The following ZNF398 variants were observed in gnomAD, a reference collection of about 807,000 sequenced individuals.
ZNF398 encodes zinc finger protein 398, also known as zinc finger DNA binding protein ZER6.
A neutral mutation model predicts 41.9 loss-of-function variants in ZNF398; 18 were observed. That is an observed-to-expected ratio of 0.43 (90% CI 0.30 to 0.64). The LOEUF is 0.64. ZNF398 is among the 30% of genes least tolerant of loss of function. The pLI, the probability that ZNF398 is intolerant of heterozygous loss-of-function variation, is 0.14. For synonymous variants in ZNF398, 260 were observed against 308.8 expected (o/e 0.84, Z 1.66); for missense variants, 669 against 822.8 (o/e 0.81, Z 2.29).
chr7:149,159,782 C>G (rs1201976502), intron 2 of ZNF398, among the ~76,000 whole-genome samples: 1 of 151,578 alleles, frequency 6.6e-6, no homozygotes, highest in Admixed American at 6.6e-5. Context: ...AGATGGAGTG[C>G]AGTGGCACAG....
Position 149,181,535 on chromosome 7 carries a change from C to T in ZNF398, c.*1734C>T, listed in dbSNP as rs1795590505. 1 of 149,536 alleles carries T rather than the reference C, an allele frequency of 6.7e-6. No homozygotes were observed. Among genetic ancestry groups the T allele is most frequent in the Non-Finnish European group, 1.5e-5 (1 of 66,904 alleles). 9.3% of individuals were successfully genotyped at this position (149,536 alleles called of 1,614,324 possible). ...TGCTCATCACCTAGCCCATCCTTCA[C>T]TCTCTCTAGTTATGCATAACAACAC... On this transcript the variant is annotated 3_prime_UTR_variant, in exon 6 of 6. Coordinates refer to ENST00000475153, the MANE Select transcript of ZNF398 (RefSeq NM_170686.3).
chr7:149,170,993 G>T (rs1319335717), intron 4 of ZNF398, among the ~76,000 whole-genome samples: 1 of 146,728 alleles, frequency 6.8e-6, no homozygotes, highest in Non-Finnish European at 1.5e-5. Context: ...GCAGGCACGT[G>T]CCACCACGCC....
chr7:149,166,068 TA>T, intron 2 of ZNF398, 89 bp from the exon 3 acceptor site: 75 of 1,386,192 alleles, frequency 5.4e-5, no homozygotes, highest in Non-Finnish European at 6.4e-5. Context: ...TTTGAAAATG[TA>T]AAAAAAATAA....
At chr7:149,148,863 C>T (rs1174037561) in intron 1 of ZNF398, among the ~76,000 whole-genome samples, 214 of 63,188 alleles carry the variant, frequency 3.4e-3, no homozygotes, top group East Asian at 4.9e-3. Flanking sequence ...TTTTCTTTGT[C>T]TTTTTTTTTT....
chr7:149,137,284 A>G (rs1397505666), intron 2 of ZNF398, among the ~76,000 whole-genome samples: 1 of 152,182 alleles, frequency 6.6e-6, no homozygotes, highest in Non-Finnish European at 1.5e-5. Context: ...TGACATGCTC[A>G]TGATTACTGT....
At chr7:149,131,146 A>G (rs1288203797) in intron 2 of ZNF398, among the ~76,000 whole-genome samples, 1 of 152,216 alleles carries the variant, frequency 6.6e-6, no homozygotes, top group Non-Finnish European at 1.5e-5. Context: ...TGTTTATTCA[A>G]AGAAACCATA....
In ZNF398 at chr7:149,180,391, A is replaced by C. The variant is rs1795565687; in HGVS notation, c.*590A>C. 1 of 152,218 alleles carries C rather than the reference A, an allele frequency of 6.6e-6. No homozygotes were observed. The highest frequency in any genetic ancestry group is 1.5e-5 in the Non-Finnish European group (1 of 68,042). 9.4% of individuals were successfully genotyped at this position (152,218 alleles called of 1,614,324 possible). On this transcript the variant is annotated 3_prime_UTR_variant, in exon 6 of 6. Coordinates refer to ENST00000475153, the MANE Select transcript of ZNF398 (RefSeq NM_170686.3). ...CATGGTAACTCAAGACTGCCTGCCTAGGTTTCTTAGATTAATTATTCACAT... is the reference window on the plus strand; with the variant it reads ...CATGGTAACTCAAGACTGCCTGCCTCGGTTTCTTAGATTAATTATTCACAT...
In ZNF398 at chr7:149,180,355, T is replaced by C. The variant is rs1485139736; in HGVS notation, c.*554T>C. ...CTGTTCACACACCTCTGTGGCTGTC[T>C]TTCCCTGAAACATGGTAACTCAAGA... On this transcript the variant is annotated 3_prime_UTR_variant, in exon 6 of 6. Transcript: ENST00000475153. The C allele has an allele frequency of 6.6e-6, 1 of 152,270 alleles. No homozygotes were observed. Among genetic ancestry groups the C allele is most frequent in the Non-Finnish European group, 1.5e-5 (1 of 68,046 alleles). The allele number at this position is 152,270 out of a possible 1,614,324, so 9.4% of individuals were successfully genotyped here. A position where few individuals can be genotyped will look rare whatever the true frequency, so the allele number is the denominator to read the frequency against.
rs574873936 is a variant in ZNF398 at position 149,179,145 on chromosome 7, C to G, written c.1273C>G (p.Arg425Gly). Residue 425 changes from arginine (R) to glycine (G), a missense_variant, in exon 6 of 6, where the codon CGT (arginine) becomes GGT (glycine). Physicochemically the swap from Arg to Gly is moderately radical, Grantham distance 125. Transcript: ENST00000475153. This position sits in a 1 kb window ranked among gnomAD's most constrained non-coding sequence, Gnocchi z 6.1. ...YHLRVHNSTE[R>G]PFPCPDCPKR... ...TCTTCGGGTCCATAACAGCACTGAG[C>G]GTCCTTTCCCCTGTCCTGATTGCCC... 1 of 1,613,902 alleles carries G rather than the reference C, an allele frequency of 6.2e-7. No homozygotes were observed. Among genetic ancestry groups the G allele is most frequent in the Non-Finnish European group, 8.5e-7 (1 of 1,180,030 alleles).
intron 2 of ZNF398, among the ~76,000 whole-genome samples, chr7:149,160,493 C>T (rs1348762543): frequency 6.6e-6 from 1 of 152,254 alleles, no homozygotes; most frequent in Non-Finnish European, 1.5e-5. Context: ...TCTGAATGCA[C>T]TCTTCAGTTT....
At chr7:149,136,985 G>A (rs948590893) in intron 2 of ZNF398, among the ~76,000 whole-genome samples, 1 of 151,250 alleles carries the variant, frequency 6.6e-6, no homozygotes, top group Admixed American at 6.6e-5. Flanking sequence ...TCTTGCCTCA[G>A]CCTCCCAAGT....
rs12666490 is a variant in ZNF398, at chr7:149,182,531, G to T, written c.*2730G>T. On this transcript the variant is annotated 3_prime_UTR_variant, in exon 6 of 6. Transcript: ENST00000475153. ...AGAAACCATGCAATTTAACACTTCA[G>T]TTAAAGAAATACATGAGAACTGCTT... 1 of 152,312 alleles carries T rather than the reference G, an allele frequency of 6.6e-6. No homozygotes were observed. The highest frequency in any genetic ancestry group is 2.1e-4 in the South Asian group (1 of 4,830). The allele number at this position is 152,312 out of a possible 1,614,324, so 9.4% of individuals were successfully genotyped here.
At chr7:149,172,647 G>A (rs572747064) in intron 4 of ZNF398, among the ~76,000 whole-genome samples, 2 of 152,288 alleles carry the variant, frequency 1.3e-5, no homozygotes, top group South Asian at 4.1e-4. Context: ...CTGTGAAACT[G>A]TGAAGAAAGT....
At chr7:149,161,160 C>G (rs968109879) in intron 2 of ZNF398, among the ~76,000 whole-genome samples, 2 of 152,202 alleles carry the variant, frequency 1.3e-5, no homozygotes, top group African/African-American at 4.8e-5. Context: ...CCTCTTTGCT[C>G]TGGCTCCTTG....
At chr7:149,155,993 T>G (rs1191461851) in intron 2 of ZNF398, among the ~76,000 whole-genome samples, 3 of 151,996 alleles carry the variant, frequency 2.0e-5, no homozygotes, top group Admixed American at 1.3e-4. Flanking sequence ...CCCAAAGTGC[T>G]GGGATTATAG....
At chr7:149,126,880 C>G (rs1479843317) in intron 1 of ZNF398, among the ~76,000 whole-genome samples, 1 of 152,174 alleles carries the variant, frequency 6.6e-6, no homozygotes, top group African/African-American at 2.4e-5. Flanking sequence ...GTCCGGTCCC[C>G]GTGGGTGCAG....
At chr7:149,133,992 C>G (rs959710605) in intron 2 of ZNF398, among the ~76,000 whole-genome samples, 5 of 150,532 alleles carry the variant, frequency 3.3e-5, no homozygotes, top group African/African-American at 1.2e-4. Flanking sequence ...CTCAGGTGAT[C>G]TGCCCGCCTT....
intron 2 of ZNF398, among the ~76,000 whole-genome samples, chr7:149,161,978 G>A (rs1285089726): frequency 6.6e-6 from 1 of 152,088 alleles, no homozygotes; most frequent in Non-Finnish European, 1.5e-5. Context: ...GAATTTACAT[G>A]TAGTTTAGAA....
intron 4 of ZNF398, among the ~76,000 whole-genome samples, chr7:149,168,038 A>G (rs566321422): frequency 2.0e-5 from 3 of 152,198 alleles, no homozygotes; most frequent in Admixed American, 6.6e-5. Flanking sequence ...TATCATGCAT[A>G]TATCTATCAC....
Sources: allele counts gnomAD v4.1 joint callset (sites outside exome capture counted in the v4.1 genomes callset), GRCh38; gene constraint gnomAD v4.1.1; non-coding constraint Gnocchi (gnomAD v3.1); transcripts MANE v1.5; gene names NCBI Gene and HGNC (gene_info 2026-07-23, HGNC 2026-07-21).